Variants in UBE2R2 observed in about 807,000 individuals in gnomAD.
The protein encoded by UBE2R2 is ubiquitin conjugating enzyme E2 R2, also known as ubiquitin-conjugating enzyme E2 R2.
UBE2R2 carries 1 observed loss-of-function variant against 27.8 expected under a neutral mutation model. The observed-to-expected ratio is 0.04, with a 90% CI of 0.01 to 0.17. The LOEUF (loss-of-function observed/expected upper bound fraction) is 0.17. Among genes scored for constraint, UBE2R2 ranks in the 10% least tolerant of loss-of-function variants. UBE2R2 has a pLI of 1.00. For missense variants in UBE2R2, 100 were observed against 291.0 expected (o/e 0.34, Z 4.78); for synonymous variants, 106 against 113.3 (o/e 0.94, Z 0.41).
At chr9:33,899,302 C>T (rs542130025) in intron 2 of UBE2R2, among the ~76,000 whole-genome samples, 12 of 152,226 alleles carry the variant, frequency 7.9e-5, no homozygotes, top group Admixed American at 7.9e-4. Flanking sequence ...CGGGTTCAAG[C>T]GATTCTCCTG....
intron 1 of UBE2R2, among the ~76,000 whole-genome samples, chr9:33,862,122 G>A (rs1485073194): frequency 6.6e-6 from 1 of 151,878 alleles, no homozygotes; most frequent in Non-Finnish European, 1.5e-5. Context: ...CAAAGTGCTG[G>A]AATTACAGGC....
chr9:33,837,899 T>C (rs1192415227), intron 1 of UBE2R2, among the ~76,000 whole-genome samples: 2 of 152,176 alleles, frequency 1.3e-5, no homozygotes, highest in Non-Finnish European at 2.9e-5. Context: ...GTTTCTCCTA[T>C]TAACTCCCTG....
At chr9:33,833,285 T>C (rs558461407) in intron 1 of UBE2R2, among the ~76,000 whole-genome samples, 13 of 152,294 alleles carry the variant, frequency 8.5e-5, no homozygotes, top group African/African-American at 3.1e-4. Context: ...CAGGATGGTC[T>C]TGATCTCCTG....
intron 4 of UBE2R2, among the ~76,000 whole-genome samples, chr9:33,915,323 A>G (rs761542406): frequency 1.2e-4 from 19 of 152,128 alleles, no homozygotes; most frequent in Non-Finnish European, 2.4e-4. Flanking sequence ...CTGTCCATAG[A>G]GGTAGAAAAT....
At chr9:33,835,145 G>GT (rs3060448) in intron 1 of UBE2R2, among the ~76,000 whole-genome samples, 28,989 of 112,044 alleles carry the variant, frequency 0.26, 5,990 homozygotes, top group African/African-American at 0.54. Flanking sequence ...CTAAGTGTAG[G>GT]TTTTTTTTTT....
chr9:33,827,663 A>G (rs1162562882), intron 1 of UBE2R2, among the ~76,000 whole-genome samples: 2 of 151,842 alleles, frequency 1.3e-5, no homozygotes, highest in Non-Finnish European at 2.9e-5. Flanking sequence ...TAATTAATTA[A>G]TAAAATTAAA....
At chr9:33,838,809 G>C (rs934784940) in intron 1 of UBE2R2, among the ~76,000 whole-genome samples, 1 of 151,244 alleles carries the variant, frequency 6.6e-6, no homozygotes, top group Non-Finnish European at 1.5e-5. Context: ...CTGGCCAGTC[G>C]TGGTGGTTCA....
At chr9:33,883,713 CAA>C (rs1158414910) in intron 1 of UBE2R2, among the ~76,000 whole-genome samples, 7 of 75,190 alleles carry the variant, frequency 9.3e-5, no homozygotes, top group Non-Finnish European at 1.3e-4. Flanking sequence ...GACTCTGTCT[CAA>C]AAAAAAAAAA....
intron 1 of UBE2R2, among the ~76,000 whole-genome samples, chr9:33,873,456 G>C (rs186375950): frequency 2.6e-5 from 4 of 152,094 alleles, no homozygotes; most frequent in Non-Finnish European, 5.9e-5. Context: ...TGAATAAAAG[G>C]TTACTGCAGA....
At chr9:33,830,665 G>T (rs999163428) in intron 1 of UBE2R2, among the ~76,000 whole-genome samples, 3 of 151,546 alleles carry the variant, frequency 2.0e-5, no homozygotes, top group Middle Eastern at 3.2e-3. Flanking sequence ...CCACTTGGGA[G>T]GCTGAGGCAG....
chr9:33,857,223 T>A (rs993638600), intron 1 of UBE2R2, among the ~76,000 whole-genome samples: 6 of 151,780 alleles, frequency 4.0e-5, no homozygotes, highest in East Asian at 3.9e-4. Context: ...CTTTTTTTTT[T>A]ATTCCCCTTA....
At chr9:33,864,721 ATTTTT>A (rs532796406) in intron 1 of UBE2R2, among the ~76,000 whole-genome samples, 1 of 132,182 alleles carries the variant, frequency 7.6e-6, no homozygotes. Context: ...CTAACTTTTA[ATTTTT>A]TTTTTTTTTT....
chr9:33,896,255 GC>G (rs1011907582), intron 2 of UBE2R2, among the ~76,000 whole-genome samples: 3 of 151,878 alleles, frequency 2.0e-5, no homozygotes, highest in Admixed American at 2.0e-4. Flanking sequence ...GTATAAAGAT[GC>G]TTTTCTCCCC....
intron 1 of UBE2R2, among the ~76,000 whole-genome samples, chr9:33,885,396 A>C (rs1482824811): frequency 6.6e-6 from 1 of 152,192 alleles, no homozygotes; most frequent in Admixed American, 6.5e-5. Flanking sequence ...TTTAAGATTA[A>C]ATAGTTGCCT....
chr9:33,888,002 C>A (rs13302810), intron 2 of UBE2R2, among the ~76,000 whole-genome samples: 21,208 of 152,224 alleles, frequency 0.14, 1,630 homozygotes, highest in Non-Finnish European at 0.16. Flanking sequence ...GTTTTTAAAT[C>A]TCCAAATGTT....
chr9:33,907,220 G>A (rs1029474182), intron 3 of UBE2R2, among the ~76,000 whole-genome samples: 1 of 152,136 alleles, frequency 6.6e-6, no homozygotes, highest in East Asian at 1.9e-4. Context: ...ACTGAAGCAG[G>A]CAAAAGGATC....
At chr9:33,898,166 A>C (rs1366786245) in intron 2 of UBE2R2, among the ~76,000 whole-genome samples, 2 of 150,454 alleles carry the variant, frequency 1.3e-5, no homozygotes, top group African/African-American at 2.4e-5. Context: ...GCTCACTGTA[A>C]CCTCTGCCTC....
chr9:33,902,194 G>A (rs1020443280), intron 3 of UBE2R2, among the ~76,000 whole-genome samples: 27 of 152,028 alleles, frequency 1.8e-4, no homozygotes, highest in African/African-American at 6.3e-4. Context: ...GATTATAGGT[G>A]TGCCCCAAAG....
intron 3 of UBE2R2, among the ~76,000 whole-genome samples, chr9:33,909,456 C>A (rs367733889): frequency 6.6e-6 from 1 of 152,152 alleles, no homozygotes; most frequent in Admixed American, 6.5e-5. Flanking sequence ...CCATTGCACT[C>A]CAGCCTGGGC....
Sources: allele counts gnomAD v4.1 joint callset (sites outside exome capture counted in the v4.1 genomes callset), GRCh38; gene constraint gnomAD v4.1.1; transcripts MANE v1.5; gene names NCBI Gene and HGNC (gene_info 2026-07-23, HGNC 2026-07-21).